The following GATAD2A variants were observed in gnomAD, a reference collection of about 807,000 sequenced individuals.
GATAD2A encodes the protein transcriptional repressor p66-alpha.
A neutral mutation model predicts 68.5 loss-of-function variants in GATAD2A; 12 were observed. The observed-to-expected ratio is 0.18, with a 90% CI of 0.11 to 0.28. The LOEUF (loss-of-function observed/expected upper bound fraction) is 0.28. GATAD2A is among the 10% of genes least tolerant of loss of function. The pLI, the probability that GATAD2A is intolerant of heterozygous loss-of-function variation, is 1.00. For missense variants in GATAD2A, 755 were observed against 868.5 expected (o/e 0.87, Z 1.64); for synonymous variants, 410 against 375.3 (o/e 1.09, Z -1.07).
rs534357429 is a variant in GATAD2A at position 19,448,692 on chromosome 19, G to A, written c.-6-16648G>A. ...TTTTGTAGAGATGGGGTTTCACCAC[G>A]TTGGCCAGGCTGGTCTTGAAGTCCT... On this transcript the variant is annotated intron_variant, in intron 1 of 11. Transcript: ENST00000683918. 5.9e-5 allele frequency among the ~76,000 whole-genome samples: 9 copies of A among 152,236 alleles called. No individual in the cohort carries two copies. In the East Asian group the frequency reaches 1.4e-3, roughly 23 times the overall value.
chr19:19,441,512 C>T (rs2055072676), intron 1 of GATAD2A, among the ~76,000 whole-genome samples: 1 of 151,976 alleles, frequency 6.6e-6, no homozygotes, highest in Non-Finnish European at 1.5e-5. Context: ...GTAGCTGGGA[C>T]AACAGATGCA....
intron 2 of GATAD2A, among the ~76,000 whole-genome samples, chr19:19,478,206 C>A (rs551833974): frequency 6.6e-6 from 1 of 152,292 alleles, no homozygotes; most frequent in East Asian, 1.9e-4. Context: ...GATGGGAAAT[C>A]CTTTTCCTGA....
At chr19:19,468,504 G>A (rs1020022922) in intron 2 of GATAD2A, among the ~76,000 whole-genome samples, 8 of 152,154 alleles carry the variant, frequency 5.3e-5, no homozygotes, top group African/African-American at 1.7e-4. Flanking sequence ...TCTTGACCTA[G>A]ATACATCATA....
chr19:19,501,863 G>GC, intron 9 of GATAD2A, 106 bp from the exon 10 acceptor site: 1 of 790,224 alleles, frequency 1.3e-6, no homozygotes, highest in Admixed American at 2.5e-5. Flanking sequence ...CCCACTTGGC[G>GC]CCTAAAGTCC....
chr19:19,397,371 G>A (rs1256015413), intron 1 of GATAD2A, among the ~76,000 whole-genome samples: 1 of 151,652 alleles, frequency 6.6e-6, no homozygotes, highest in African/African-American at 2.4e-5. Flanking sequence ...GCAGGAGAAT[G>A]AGTAATGTGT....
chr19:19,467,322 G>A (rs570132940), intron 2 of GATAD2A, among the ~76,000 whole-genome samples: 1 of 152,304 alleles, frequency 6.6e-6, no homozygotes, highest in South Asian at 2.1e-4. Context: ...CTTGCAATGA[G>A]CCGAGATCGC....
At chr19:19,445,462 T>C (rs898790912) in intron 1 of GATAD2A, among the ~76,000 whole-genome samples, 13 of 152,224 alleles carry the variant, frequency 8.5e-5, no homozygotes, top group African/African-American at 3.1e-4. Context: ...GTGTGTTGTT[T>C]AGTGGCATTT....
chr19:19,501,234 A>G lies in GATAD2A; in HGVS notation c.1321A>G (p.Asn441Asp), dbSNP rs1210385656. The G allele has an allele frequency of 6.2e-7, 1 of 1,613,426 alleles. No homozygotes were observed. Among genetic ancestry groups the G allele is most frequent in the Non-Finnish European group, 8.5e-7 (1 of 1,180,000 alleles). Residue 441 changes from asparagine to aspartate, a missense_variant, in exon 9 of 12, where the codon AAC becomes GAC. Physicochemically the swap from Asn to Asp is conservative, Grantham distance 23. Transcript: ENST00000683918. The stretch of plus-strand genomic sequence containing the variant: ...GAAGAGCGGCGCCATCATGTGTGAG[A>G]ACTGCATGACAACCAACCAGAAGAA... The part of the protein sequence containing the change: ...EEKSGAIMCE[N>D]CMTTNQKKAL...
intron 1 of GATAD2A, among the ~76,000 whole-genome samples, chr19:19,396,045 G>A (rs1599975298): frequency 6.6e-6 from 1 of 152,298 alleles, no homozygotes; most frequent in Admixed American, 6.5e-5. Context: ...TAGGAGCCGG[G>A]CACGGTGGCT....
chr19:19,413,396 C>G (rs1451547219), intron 1 of GATAD2A, among the ~76,000 whole-genome samples: 1 of 152,156 alleles, frequency 6.6e-6, no homozygotes, highest in Admixed American at 6.6e-5. Flanking sequence ...TCAGGACTTG[C>G]GTATCATTGA....
chr19:19,492,267 G>C (rs770843273), intron 2 of GATAD2A, 39 bp from the exon 3 acceptor site: 1 of 1,577,894 alleles, frequency 6.3e-7, no homozygotes, highest in East Asian at 2.3e-5. Context: ...GGGTCCAGCT[G>C]TCAAGGGCGC....
At chr19:19,408,644 G>A (rs2050568832) in intron 1 of GATAD2A, among the ~76,000 whole-genome samples, 2 of 152,180 alleles carry the variant, frequency 1.3e-5, no homozygotes, top group African/African-American at 4.8e-5. Flanking sequence ...TGGCATTGCA[G>A]GTAGTGATTT....
At position 19,498,784 on chromosome 19, in the gene GATAD2A, G is replaced by A. The variant is rs892520320; in HGVS notation, c.1204+62G>A. On this transcript the variant is annotated intron_variant, in intron 8 of 11. Transcript: ENST00000683918. ...CTGGCCTCCAAGGGTGCTGCCCCGTGGGTTCTTTCCAACACACAGCAGAGG... is the reference window on the plus strand; with the variant it reads ...CTGGCCTCCAAGGGTGCTGCCCCGTAGGTTCTTTCCAACACACAGCAGAGG... 4.9e-6 allele frequency: 7 copies of A among 1,439,510 alleles called. No individual in the cohort carries two copies. In the African/African-American group the frequency reaches 8.4e-5, roughly 17 times the overall value. 89.2% of individuals were successfully genotyped at this position (1,439,510 alleles called of 1,614,324 possible). A position where few individuals can be genotyped will look rare whatever the true frequency, so the allele number is the denominator to read the frequency against.
At chr19:19,482,834 G>A (rs1014948177) in intron 2 of GATAD2A, among the ~76,000 whole-genome samples, 6 of 152,160 alleles carry the variant, frequency 3.9e-5, no homozygotes, top group South Asian at 2.1e-4. Context: ...ATTTGATGTG[G>A]CCTCCCCCAT....
intron 1 of GATAD2A, among the ~76,000 whole-genome samples, chr19:19,460,436 C>T (rs902335333): frequency 1.8e-4 from 28 of 152,292 alleles, no homozygotes; most frequent in East Asian, 3.9e-4. Context: ...ACCTGGACCC[C>T]GTTGTCATCA....
intron 2 of GATAD2A, among the ~76,000 whole-genome samples, chr19:19,491,194 G>A (rs2059768493): frequency 6.6e-6 from 1 of 152,144 alleles, no homozygotes; most frequent in Non-Finnish European, 1.5e-5. Flanking sequence ...GATATTCACT[G>A]TTTCCCAGTT....
At chr19:19,476,963 G>A (rs934242868) in intron 2 of GATAD2A, among the ~76,000 whole-genome samples, 4 of 152,204 alleles carry the variant, frequency 2.6e-5, no homozygotes, top group East Asian at 1.9e-4. Context: ...AAAAAAGAAC[G>A]TGGGTGTCTG....
intron 2 of GATAD2A, among the ~76,000 whole-genome samples, chr19:19,491,780 C>G (rs1247503508): frequency 6.6e-6 from 1 of 152,188 alleles, no homozygotes; most frequent in Non-Finnish European, 1.5e-5. Context: ...AGGGCTTTGG[C>G]CTGCCTGAGT....
intron 2 of GATAD2A, among the ~76,000 whole-genome samples, chr19:19,485,896 C>T (rs772852735): frequency 2.0e-5 from 3 of 152,206 alleles, no homozygotes; most frequent in African/African-American, 2.4e-5. Flanking sequence ...TTTACAAAGA[C>T]GCACGATGAC....
Sources: allele counts gnomAD v4.1 joint callset (sites outside exome capture counted in the v4.1 genomes callset), GRCh38; gene constraint gnomAD v4.1.1; transcripts MANE v1.5; gene names NCBI Gene and HGNC (gene_info 2026-07-23, HGNC 2026-07-21).